DCBLD2: variants seen among roughly 807,000 people sequenced by gnomAD.
DCBLD2 encodes the protein discoidin, CUB and LCCL domain containing 2, also known as discoidin, CUB and LCCL domain-containing protein 2.
Under a neutral mutation model 86.8 loss-of-function variants are expected in DCBLD2, and 54 were observed. The observed-to-expected ratio is 0.62, with a 90% CI of 0.50 to 0.78. The LOEUF (loss-of-function observed/expected upper bound fraction) is 0.78, where lower values mean the gene tolerates loss of function less well. Ranked by LOEUF, DCBLD2 falls within the 30% of genes least tolerant of loss-of-function variation. DCBLD2 has a pLI of 0.00. For synonymous variants in DCBLD2, 354 were observed against 341.3 expected (o/e 1.04, Z -0.41); for missense variants, 908 against 954.2 (o/e 0.95, Z 0.64).
At chr3:98,838,290 C>G in intron 3 of DCBLD2, among the ~76,000 whole-genome samples, 1 of 97,060 alleles carries the variant, frequency 1.0e-5, no homozygotes, top group African/African-American at 3.3e-5. Flanking sequence ...ACTTCTCAGA[C>G]GGGGCGGTTG....
intron 5 of DCBLD2, 113 bp downstream of exon 5, chr3:98,822,556 G>A (rs1942143380): frequency 4.0e-6 from 5 of 1,259,346 alleles, no homozygotes; most frequent in Non-Finnish European, 5.4e-6. Context: ...ATTAAAAAAT[G>A]TCTTAAAAAG....
At chr3:98,824,729 G>A (rs1028264641) in intron 4 of DCBLD2, among the ~76,000 whole-genome samples, 9 of 152,088 alleles carry the variant, frequency 5.9e-5, no homozygotes, top group African/African-American at 1.9e-4. Flanking sequence ...GTGAAAGAAC[G>A]AGAAGACCAG....
chr3:98,812,575 G>T, intron 9 of DCBLD2, 93 bp from the exon 10 acceptor site: 1 of 1,113,224 alleles, frequency 9.0e-7, no homozygotes, highest in Non-Finnish European at 1.3e-6. Flanking sequence ...TTTGCTCTAG[G>T]CCTTAAATTA....
intron 1 of DCBLD2, among the ~76,000 whole-genome samples, chr3:98,889,323 T>A (rs923219009): frequency 1.3e-5 from 2 of 151,960 alleles, no homozygotes; most frequent in Non-Finnish European, 2.9e-5. Flanking sequence ...GTACTCAAAG[T>A]CAAGTCAATG....
intron 2 of DCBLD2, among the ~76,000 whole-genome samples, chr3:98,868,222 T>C (rs2454685): frequency 0.33 from 49,706 of 152,082 alleles, 8,431 homozygotes; most frequent in Non-Finnish European, 0.38. Context: ...CATAAGCCCT[T>C]CTTAAGGAAT....
chr3:98,887,043 T>C (rs769891545), intron 1 of DCBLD2, among the ~76,000 whole-genome samples: 4 of 151,946 alleles, frequency 2.6e-5, no homozygotes, highest in Non-Finnish European at 5.9e-5. Flanking sequence ...GTATTAATTA[T>C]ATTCTTATAT....
intron 2 of DCBLD2, among the ~76,000 whole-genome samples, chr3:98,871,004 T>C (rs1943272791): frequency 6.6e-6 from 1 of 150,448 alleles, no homozygotes; most frequent in Admixed American, 6.7e-5. Context: ...TTCACCTCTT[T>C]GGTTAAGTAT....
In DCBLD2 at chr3:98,849,463, T is replaced by C; in HGVS notation, c.569A>G (p.Gln190Arg). The C allele has an allele frequency of 6.2e-7, 1 of 1,613,960 alleles. No homozygotes were observed. The highest frequency in any genetic ancestry group is 8.5e-7 in the Non-Finnish European group (1 of 1,179,852). Reference sequence around the variant, plus strand: ...CCATTGCAAAAGGTGAAAATTACCTTGTTTATCTATAACAGAGTATGAGGC... The same window carrying C: ...CCATTGCAAAAGGTGAAAATTACCTCGTTTATCTATAACAGAGTATGAGGC... Reference protein sequence around the residue: ...FLASYSVIDKQDLITCLDTAS... With the variant: ...FLASYSVIDKRDLITCLDTAS... The change falls in exon 3 of 16, where the codon CAA becomes CGA. Residue 190 changes from glutamine to arginine, a missense_variant and splice_region_variant. By Grantham distance (43) the Gln-to-Arg change is conservative. Transcript: ENST00000326840.
chr3:98,858,264 C>T (rs2454677), intron 2 of DCBLD2, among the ~76,000 whole-genome samples: 65,220 of 152,190 alleles, frequency 0.43, 14,151 homozygotes, highest in Non-Finnish European at 0.45. Flanking sequence ...CGCACTGGCC[C>T]GCAAGCGCCG....
chr3:98,878,573 T>C (rs570894535), intron 2 of DCBLD2, among the ~76,000 whole-genome samples: 5 of 152,374 alleles, frequency 3.3e-5, no homozygotes, highest in Admixed American at 3.3e-4. Flanking sequence ...CCTGTAATTC[T>C]CTGCAGACCT....
At chr3:98,860,167 T>C (rs148995186) in intron 2 of DCBLD2, among the ~76,000 whole-genome samples, 3 of 151,998 alleles carry the variant, frequency 2.0e-5, no homozygotes, top group South Asian at 2.1e-4. Context: ...GAAGAGAAAT[T>C]TGGAGAAAAA....
chr3:98,897,847 C>T (rs577254412), intron 1 of DCBLD2, among the ~76,000 whole-genome samples: 1 of 152,168 alleles, frequency 6.6e-6, no homozygotes, highest in African/African-American at 2.4e-5. Context: ...GGCAAGCCTT[C>T]CAGGATACAA....
intron 12 of DCBLD2, among the ~76,000 whole-genome samples, chr3:98,810,895 T>C (rs1446932315): frequency 6.6e-6 from 1 of 152,124 alleles, no homozygotes; most frequent in Non-Finnish European, 1.5e-5. Flanking sequence ...CTAGAAAATA[T>C]TGTATTTCTA....
chr3:98,873,714 C>T (rs933614680), intron 2 of DCBLD2, among the ~76,000 whole-genome samples: 4 of 149,406 alleles, frequency 2.7e-5, no homozygotes, highest in Middle Eastern at 3.6e-3. Context: ...TAGCAGTTAA[C>T]AAAGTAAAAA....
chr3:98,799,554 TG>T lies in DCBLD2; in HGVS notation c.2145del (p.Tyr715Ter). ...GNQPPPLVGT[Y>X]NTLLSRTDSC... is the part of the protein sequence containing the mutation. ...CTGTCAGTCCTGGAGAGAAGTGTAT[TG>T]TAAGTTCCCACTAGTGGGGGAGGTT... On this transcript the variant is annotated frameshift_variant, in exon 16 of 16. Coordinates refer to ENST00000326840, the MANE Select transcript of DCBLD2 (RefSeq NM_080927.4). LOFTEE classifies it high-confidence loss of function. 1 of 1,613,980 alleles carries T rather than the reference TG, an allele frequency of 6.2e-7. No homozygotes were observed. Among genetic ancestry groups the T allele is most frequent in the Non-Finnish European group, 8.5e-7 (1 of 1,179,880 alleles).
At chr3:98,813,343 T>A (rs1192432612) in intron 9 of DCBLD2, 5 of 152,038 alleles carry the variant, frequency 3.3e-5, no homozygotes, top group African/African-American at 9.7e-5. Context: ...TGCAACCTCT[T>A]CCTCCCAAGT....
At position 98,901,040 on chromosome 3, in the gene DCBLD2, G is replaced by A. The variant is rs1943839155; in HGVS notation, c.205+82C>T. 3 of 1,531,004 alleles carry A rather than the reference G, an allele frequency of 2.0e-6. No individual in the cohort carries two copies. The South Asian group carries it at 3.6e-5, about 18-fold the overall frequency. 94.8% of individuals were successfully genotyped at this position (1,531,004 alleles called of 1,614,324 possible). ...AAAGCGCACCGCGCCTCCCTGCAGC[G>A]TCTGCAGATTTGTTCAGGGGCCAAG... is the stretch of plus-strand genomic sequence containing the variant. On this transcript the variant is annotated intron_variant, in intron 1 of 15. Coordinates refer to ENST00000326840, the MANE Select transcript of DCBLD2 (RefSeq NM_080927.4).
At position 98,866,354 on chromosome 3, in the gene DCBLD2, C is replaced by T. The variant is rs188581413; in HGVS notation, c.433+15186G>A. Among the ~76,000 whole-genome samples, 44 of 152,342 alleles carry T rather than the reference C, an allele frequency of 2.9e-4. No individual in the cohort carries two copies. In the East Asian group the frequency reaches 7.5e-3, roughly 26 times the overall value. ...GTGTAAAAGTGTTCCTATTTCTCCA[C>T]AACCTCTCCAGCACCTGTTATTTCC... On this transcript the variant is annotated intron_variant, in intron 2 of 15. Transcript: ENST00000326840.
At chr3:98,871,569 T>TGA (rs1943282920) in intron 2 of DCBLD2, among the ~76,000 whole-genome samples, 1 of 152,210 alleles carries the variant, frequency 6.6e-6, no homozygotes, top group Non-Finnish European at 1.5e-5. Context: ...ATTTATGTGG[T>TGA]GAATCACATT....
Sources: allele counts gnomAD v4.1 joint callset (sites outside exome capture counted in the v4.1 genomes callset), GRCh38; gene constraint gnomAD v4.1.1; transcripts MANE v1.5; gene names NCBI Gene and HGNC (gene_info 2026-07-23, HGNC 2026-07-21).